Variants in RNF152 observed in about 807,000 individuals in gnomAD.
RNF152 encodes ring finger protein 152.
Under a neutral mutation model 12.7 loss-of-function variants are expected in RNF152, and 11 were observed. That is an observed-to-expected ratio of 0.86 (90% CI 0.54 to 1.43). The LOEUF is 1.43. Among genes scored for constraint, RNF152 ranks in the 40% most tolerant of loss-of-function variants. RNF152 has a pLI of 0.00. For missense variants in RNF152, 255 were observed against 274.8 expected (o/e 0.93, Z 0.51); for synonymous variants, 113 against 120.3 (o/e 0.94, Z 0.40).
intron 1 of RNF152, among the ~76,000 whole-genome samples, chr18:61,845,300 T>G (rs1910697070): frequency 6.6e-6 from 1 of 152,218 alleles, no homozygotes; most frequent in South Asian, 2.1e-4. Flanking sequence ...GGCTGTGCTG[T>G]GTAAGAAGAG....
At chr18:61,837,352 T>C (rs1380200229) in intron 1 of RNF152, among the ~76,000 whole-genome samples, 2 of 152,220 alleles carry the variant, frequency 1.3e-5, no homozygotes, top group African/African-American at 2.4e-5. Flanking sequence ...TTTTAAAATA[T>C]GAACTGCATA....
chr18:61,864,163 C>T (rs952059803), intron 1 of RNF152, among the ~76,000 whole-genome samples: 1 of 152,136 alleles, frequency 6.6e-6, no homozygotes, highest in Non-Finnish European at 1.5e-5. Flanking sequence ...CCCTAACTAC[C>T]CGGAGTCACA....
intron 1 of RNF152, among the ~76,000 whole-genome samples, chr18:61,817,705 A>G (rs1414144043): frequency 6.6e-6 from 1 of 151,704 alleles, no homozygotes; most frequent in Non-Finnish European, 1.5e-5. Flanking sequence ...TCTATAGTTA[A>G]AGGTTGACAG....
intron 1 of RNF152, among the ~76,000 whole-genome samples, chr18:61,854,778 G>A (rs1911143428): frequency 6.6e-6 from 1 of 152,174 alleles, no homozygotes; most frequent in Non-Finnish European, 1.5e-5. Context: ...TCAACAATGA[G>A]AGAAGTAAAC....
intron 1 of RNF152, chr18:61,888,885 AG>A (rs1300005497): frequency 2.0e-5 from 3 of 152,238 alleles, no homozygotes; most frequent in Non-Finnish European, 4.4e-5. Flanking sequence ...ATGCCACAAG[AG>A]TCCTCTACCT....
At chr18:61,849,358 A>G (rs1290675018) in intron 1 of RNF152, among the ~76,000 whole-genome samples, 4 of 152,236 alleles carry the variant, frequency 2.6e-5, no homozygotes, top group East Asian at 1.9e-4. Flanking sequence ...CCCTGGACCC[A>G]TAATTACTTT....
At chr18:61,844,077 G>GGAAAGAAAGAAAGAAAGAAAGAAAAA (rs1910586887) in intron 1 of RNF152, among the ~76,000 whole-genome samples, 2 of 68,500 alleles carry the variant, frequency 2.9e-5, no homozygotes, top group African/African-American at 9.9e-5. Context: ...CAGAAAGAAA[G>GGAAAGAAAGAAAGAAAGAAAGAAAAA]GAAAGAAAGA....
chr18:61,827,493 C>G (rs1221926843), intron 1 of RNF152, among the ~76,000 whole-genome samples: 1 of 152,112 alleles, frequency 6.6e-6, no homozygotes, highest in South Asian at 2.1e-4. Context: ...TACTTTCACA[C>G]ATTAAAAAAT....
At chr18:61,817,413 G>A (rs1909163377) in intron 1 of RNF152, among the ~76,000 whole-genome samples, 1 of 152,176 alleles carries the variant, frequency 6.6e-6, no homozygotes. Context: ...ACACAGGTTT[G>A]AACCACATGG....
chr18:61,816,631 T>A (rs1298134944), intron 1 of RNF152, 33 bp from the exon 2 acceptor site: 1 of 678,960 alleles, frequency 1.5e-6, no homozygotes, highest in Admixed American at 3.1e-5. Flanking sequence ...ACAATCTTAA[T>A]TATTTCAAAG....
intron 1 of RNF152, among the ~76,000 whole-genome samples, chr18:61,884,296 CA>C (rs1599327391): frequency 6.6e-6 from 1 of 152,148 alleles, no homozygotes; most frequent in East Asian, 1.9e-4. Flanking sequence ...AATTTAAACC[CA>C]AACCCATCTT....
intron 1 of RNF152, among the ~76,000 whole-genome samples, chr18:61,859,749 G>A (rs551710125): frequency 6.6e-6 from 1 of 152,202 alleles, no homozygotes; most frequent in East Asian, 1.9e-4. Flanking sequence ...CGTGGTGGCA[G>A]GCGCCTGTAA....
chr18:61,871,745 T>C (rs544689647), intron 1 of RNF152, among the ~76,000 whole-genome samples: 3 of 152,338 alleles, frequency 2.0e-5, no homozygotes, highest in East Asian at 1.9e-4. Flanking sequence ...GGACAACTCA[T>C]GGCCCACCTT....
At chr18:61,869,102 A>G (rs1911871086) in intron 1 of RNF152, among the ~76,000 whole-genome samples, 1 of 152,202 alleles carries the variant, frequency 6.6e-6, no homozygotes, top group Non-Finnish European at 1.5e-5. Context: ...ATTGTTATAT[A>G]AAATTTCCTA....
At chr18:61,842,211 G>A (rs1024788441) in intron 1 of RNF152, among the ~76,000 whole-genome samples, 4 of 152,100 alleles carry the variant, frequency 2.6e-5, no homozygotes, top group African/African-American at 4.8e-5. Flanking sequence ...ACAATTTGTC[G>A]TGAACAAGCC....
chr18:61,833,514 G>A (rs4941069), intron 1 of RNF152, among the ~76,000 whole-genome samples: 69,443 of 151,892 alleles, frequency 0.46, 16,361 homozygotes, highest in Non-Finnish European at 0.53. Context: ...ACTCCTCTGC[G>A]TTTCCCTCTA....
chr18:61,841,802 G>A (rs780401157), intron 1 of RNF152, among the ~76,000 whole-genome samples: 1 of 152,186 alleles, frequency 6.6e-6, no homozygotes, highest in Non-Finnish European at 1.5e-5. Flanking sequence ...CACTAATCCT[G>A]CTTTCAGTGG....
chr18:61,875,563 G>A (rs572515436), intron 1 of RNF152, among the ~76,000 whole-genome samples: 4 of 151,722 alleles, frequency 2.6e-5, no homozygotes, highest in East Asian at 1.9e-4. Flanking sequence ...CCATCTGGGC[G>A]TGGATTACCC....
chr18:61,877,970 A>G (rs1912288680), intron 1 of RNF152, among the ~76,000 whole-genome samples: 1 of 152,202 alleles, frequency 6.6e-6, no homozygotes, highest in East Asian at 1.9e-4. Context: ...CATCTGCTCC[A>G]CAAGGTCTCT....
Sources: allele counts gnomAD v4.1 joint callset (sites outside exome capture counted in the v4.1 genomes callset), GRCh38; gene constraint gnomAD v4.1.1; transcripts MANE v1.5; gene names NCBI Gene and HGNC (gene_info 2026-07-23, HGNC 2026-07-21).